Variants in ROBO1 observed in about 807,000 individuals in gnomAD.
ROBO1 encodes the protein roundabout homolog 1.
A neutral mutation model predicts 195.9 loss-of-function variants in ROBO1; 149 were observed. The observed-to-expected ratio is 0.76, with a 90% confidence interval of 0.67 to 0.87. The LOEUF (loss-of-function observed/expected upper bound fraction) is 0.87, where lower values mean the gene tolerates loss of function less well. Among genes scored for constraint, ROBO1 ranks in the 40% least tolerant of loss-of-function variants. The pLI is 0.00. For synonymous variants in ROBO1, 816 were observed against 733.2 expected (o/e 1.11, Z -1.82); for missense variants, 1,933 against 2,068.3 (o/e 0.93, Z 1.27).
chr3:79,089,334 T>G (rs1467978249), intron 3 of ROBO1, among the ~76,000 whole-genome samples: 1 of 152,156 alleles, frequency 6.6e-6, no homozygotes, highest in Non-Finnish European at 1.5e-5. Flanking sequence ...TTATTTTTCC[T>G]CTAAAAATTG....
At chr3:79,485,905 T>C (rs1198602067) in intron 2 of ROBO1, among the ~76,000 whole-genome samples, 1 of 152,346 alleles carries the variant, frequency 6.6e-6, no homozygotes, top group South Asian at 2.1e-4. Context: ...CTGTTTCCCA[T>C]GTCCCATATC....
chr3:79,019,230 G>T (rs2078041892), intron 3 of ROBO1: 1 of 986,046 alleles, frequency 1.0e-6, no homozygotes, highest in Non-Finnish European at 1.2e-6. Context: ...GGCGCTCGCA[G>T]GCACCCCTAA....
chr3:79,396,684 C>T (rs1032444992), intron 2 of ROBO1, among the ~76,000 whole-genome samples: 2 of 151,870 alleles, frequency 1.3e-5, no homozygotes, highest in African/African-American at 4.8e-5. Flanking sequence ...ATTTTAGATC[C>T]ATTGTAAATG....
chr3:79,032,357 G>A (rs1157434310), intron 3 of ROBO1, among the ~76,000 whole-genome samples: 1 of 151,764 alleles, frequency 6.6e-6, no homozygotes, highest in Non-Finnish European at 1.5e-5. Flanking sequence ...CATAGTTTTT[G>A]AGAAATAGAT....
chr3:79,193,569 G>GATGTGGTTTT (rs2081578492), intron 2 of ROBO1, among the ~76,000 whole-genome samples: 1 of 144,220 alleles, frequency 6.9e-6, no homozygotes, highest in Non-Finnish European at 1.5e-5. Context: ...TTACGCCAAG[G>GATGTGGTTTT]ATGTGGTTTT....
chr3:78,983,993 A>ACATAAAC (rs1387776250), intron 3 of ROBO1, among the ~76,000 whole-genome samples: 1 of 152,204 alleles, frequency 6.6e-6, no homozygotes, highest in Admixed American at 6.5e-5. Flanking sequence ...TGGTTAGGAG[A>ACATAAAC]ATTCATGCTA....
chr3:79,514,300 G>A lies in ROBO1; in HGVS notation c.88+75524C>T, dbSNP rs529527803. 3.3e-5 allele frequency among the ~76,000 whole-genome samples: 5 copies of A among 152,268 alleles called. No homozygotes were observed. The South Asian group carries it at 1.0e-3, about 32-fold the overall frequency. ...CACATTTCTCTTAGAGATCCACGTG[G>A]TGTGCGGGGGTGGAGGAGTCAAATG... On this transcript the variant is annotated intron_variant, in intron 2 of 30. Coordinates refer to ENST00000464233, the MANE Select transcript of ROBO1 (RefSeq NM_002941.4).
At chr3:79,247,127 C>T (rs2082638817) in intron 2 of ROBO1, among the ~76,000 whole-genome samples, 2 of 127,748 alleles carry the variant, frequency 1.6e-5, no homozygotes, top group Non-Finnish European at 3.2e-5. Context: ...CTCCTGTTTA[C>T]TGTTTTTTTT....
At chr3:78,707,632 G>A (rs1380217072) in intron 8 of ROBO1, among the ~76,000 whole-genome samples, 1 of 152,178 alleles carries the variant, frequency 6.6e-6, no homozygotes, top group Non-Finnish European at 1.5e-5. Flanking sequence ...GCTCTTATGA[G>A]AGAAGAGCTG....
chr3:79,649,357 T>TA (rs1945931143), intron 1 of ROBO1, among the ~76,000 whole-genome samples: 1 of 152,108 alleles, frequency 6.6e-6, no homozygotes, highest in South Asian at 2.1e-4. Flanking sequence ...TTTGTTTATA[T>TA]ATTTATTTAA....
intron 3 of ROBO1, among the ~76,000 whole-genome samples, chr3:78,966,240 G>C (rs2076641641): frequency 6.6e-6 from 1 of 152,190 alleles, no homozygotes; most frequent in Non-Finnish European, 1.5e-5. Context: ...TAAGAAACAA[G>C]TCCCTGGTGC....
At chr3:79,644,190 A>C (rs954890553) in intron 1 of ROBO1, among the ~76,000 whole-genome samples, 1 of 152,162 alleles carries the variant, frequency 6.6e-6, no homozygotes, top group Non-Finnish European at 1.5e-5. Flanking sequence ...CCAACATCAG[A>C]GTTTCCAAGT....
chr3:79,281,612 T>C (rs1221627184), intron 2 of ROBO1, among the ~76,000 whole-genome samples: 1 of 152,216 alleles, frequency 6.6e-6, no homozygotes, highest in African/African-American at 2.4e-5. Flanking sequence ...GATTGTGTTT[T>C]TATTTATTTA....
At chr3:78,767,169 T>C (rs1341707325) in intron 4 of ROBO1, among the ~76,000 whole-genome samples, 1 of 152,148 alleles carries the variant, frequency 6.6e-6, no homozygotes, top group Non-Finnish European at 1.5e-5. Flanking sequence ...TTTTCTGTCT[T>C]GTGGAATAGT....
At chr3:79,105,775 C>G (rs923228922) in intron 3 of ROBO1, among the ~76,000 whole-genome samples, 3 of 151,730 alleles carry the variant, frequency 2.0e-5, no homozygotes, top group African/African-American at 7.2e-5. Flanking sequence ...TACCACAAAG[C>G]TACATGCTAT....
chr3:79,309,649 A>T (rs1355176423), intron 2 of ROBO1, among the ~76,000 whole-genome samples: 2 of 152,096 alleles, frequency 1.3e-5, no homozygotes, highest in Admixed American at 1.3e-4. Flanking sequence ...ATTAAGCACC[A>T]TGAATAAAGA....
At chr3:78,795,738 C>G (rs985334538) in intron 4 of ROBO1, among the ~76,000 whole-genome samples, 1 of 151,936 alleles carries the variant, frequency 6.6e-6, no homozygotes, top group Non-Finnish European at 1.5e-5. Flanking sequence ...TTCTTTGAGT[C>G]TATGTTTTTG....
chr3:79,674,231 T>C (rs1946715375), intron 1 of ROBO1, among the ~76,000 whole-genome samples: 1 of 152,044 alleles, frequency 6.6e-6, no homozygotes, highest in East Asian at 1.9e-4. Context: ...TAAACTATTT[T>C]TAAGCTAGAT....
chr3:79,681,413 T>C (rs1326323269), intron 1 of ROBO1, among the ~76,000 whole-genome samples: 2 of 151,832 alleles, frequency 1.3e-5, no homozygotes, highest in Admixed American at 6.6e-5. Context: ...GTTGAGTATA[T>C]AGAGAATATT....
Sources: allele counts gnomAD v4.1 joint callset (sites outside exome capture counted in the v4.1 genomes callset), GRCh38; gene constraint gnomAD v4.1.1; transcripts MANE v1.5; gene names NCBI Gene and HGNC (gene_info 2026-07-23, HGNC 2026-07-21).